The following SRSF4 variants were observed in gnomAD, a reference collection of about 807,000 sequenced individuals.
The protein encoded by SRSF4 is serine/arginine-rich splicing factor 4.
A neutral mutation model predicts 48.8 loss-of-function variants in SRSF4; 12 were observed. The ratio of observed to expected loss-of-function variants is 0.25; its 90% CI spans 0.16 to 0.40. The LOEUF is 0.40. Among genes scored for constraint, SRSF4 ranks in the 10% least tolerant of loss-of-function variants. The pLI, the probability that SRSF4 is intolerant of heterozygous loss-of-function variation, is 1.00. For missense variants in SRSF4, 466 were observed against 667.1 expected (o/e 0.70, Z 3.32); for synonymous variants, 248 against 232.5 (o/e 1.07, Z -0.61).
intron 2 of SRSF4, chr1:29,160,141 A>G (rs981638200): frequency 6.7e-6 from 3 of 446,608 alleles, no homozygotes; most frequent in African/African-American, 6.2e-5. Context: ...CAACACAAAC[A>G]CACATCATTA....
At chr1:29,165,202 C>T (rs1172694660) in intron 1 of SRSF4, among the ~76,000 whole-genome samples, 1 of 152,208 alleles carries the variant, frequency 6.6e-6, no homozygotes, top group African/African-American at 2.4e-5. Context: ...CACCATGAGT[C>T]TTACCAAGTA....
intron 1 of SRSF4, among the ~76,000 whole-genome samples, chr1:29,164,269 G>T (rs1672638650): frequency 6.6e-6 from 1 of 152,150 alleles, no homozygotes; most frequent in Non-Finnish European, 1.5e-5. Context: ...TTATGTATGG[G>T]TCCCAATTTT....
chr1:29,168,219 C>T (rs1434168679), intron 1 of SRSF4, among the ~76,000 whole-genome samples: 1 of 142,254 alleles, frequency 7.0e-6, no homozygotes, highest in Non-Finnish European at 1.5e-5. Context: ...TTAGGAGAGA[C>T]AGGGTTTCAC....
intron 3 of SRSF4, among the ~76,000 whole-genome samples, chr1:29,157,766 G>T (rs1349570536): frequency 6.6e-6 from 1 of 152,158 alleles, no homozygotes; most frequent in Non-Finnish European, 1.5e-5. Flanking sequence ...GCCAAAAAAA[G>T]CGAGAAGGGA....
chr1:29,176,427 A>T (rs569416475), intron 1 of SRSF4, among the ~76,000 whole-genome samples: 1 of 152,072 alleles, frequency 6.6e-6, no homozygotes, highest in South Asian at 2.1e-4. Context: ...GATTAAGAAT[A>T]CGGTAACGAT....
intron 1 of SRSF4, chr1:29,171,571 A>G (rs1672745064): frequency 6.6e-6 from 1 of 151,890 alleles, no homozygotes; most frequent in Admixed American, 6.6e-5. Context: ...CAGTTGAAAA[A>G]TAAGTCATAC....
In SRSF4 at chr1:29,160,521, G is replaced by A; in HGVS notation, c.108-4C>T. The A allele has an allele frequency of 6.3e-7, 1 of 1,598,874 alleles. No homozygotes were observed. On this transcript the variant is annotated splice_region_variant and splice_polypyrimidine_tract_variant and intron_variant, in intron 1 of 5. Transcript: ENST00000373795. ...ATCAAACTCCACAAAACCATATCTAGAAGAGAGCAAAGAAAATACTGGTTG... is the reference window on the plus strand; with the variant it reads ...ATCAAACTCCACAAAACCATATCTAAAAGAGAGCAAAGAAAATACTGGTTG...
chr1:29,172,099 T>A (rs910395235), intron 1 of SRSF4: 2 of 152,034 alleles, frequency 1.3e-5, no homozygotes, highest in African/African-American at 2.4e-5. Flanking sequence ...GGGAAAAAAA[T>A]AATACACTTT....
chr1:29,160,553 T>C, intron 1 of SRSF4, 36 bp from the exon 2 acceptor site: 1 of 1,561,468 alleles, frequency 6.4e-7, no homozygotes, highest in Non-Finnish European at 8.7e-7. Context: ...GTTGGTACCA[T>C]TTTGACATCC....
Position 29,148,511 on chromosome 1 carries a change from A to C in SRSF4, c.1384T>G (p.Ser462Ala). The change falls in exon 6 of 6, where the codon TCA becomes GCA. Residue 462 changes from serine (S) to alanine (A), a missense_variant. This residue lies in a region of SRSF4 where 402 missense variants were observed against 437.0 expected (regional missense o/e 0.92). Transcript: ENST00000373795. The part of the protein sequence containing the change: ...PNLPSESRSR[S>A]KSASKTRSRS... ...GATCGGGTTTTTGAAGCTGACTTTGATCTGGAGCGTGATTCTGATGGAAGG... is the reference window on the plus strand; with the variant it reads ...GATCGGGTTTTTGAAGCTGACTTTGCTCTGGAGCGTGATTCTGATGGAAGG... 1.9e-6 allele frequency: 3 copies of C among 1,614,064 alleles called. No individual in the cohort carries two copies. The highest frequency in any genetic ancestry group is 2.5e-6 in the Non-Finnish European group (3 of 1,180,014).
At chr1:29,164,643 A>C (rs1032291880) in intron 1 of SRSF4, among the ~76,000 whole-genome samples, 10 of 152,198 alleles carry the variant, frequency 6.6e-5, no homozygotes, top group African/African-American at 2.2e-4. Context: ...TGCTCTATTA[A>C]AAACAAAGAA....
At chr1:29,159,808 C>A in intron 2 of SRSF4, 1 of 194,022 alleles carries the variant, frequency 5.2e-6, no homozygotes, top group Non-Finnish European at 1.0e-5. Flanking sequence ...GTGTTACTCA[C>A]AGTGATTAAA....
At chr1:29,175,390 GACT>G (rs1161437130) in intron 1 of SRSF4, among the ~76,000 whole-genome samples, 1 of 149,688 alleles carries the variant, frequency 6.7e-6, no homozygotes. Context: ...AACAGACAGA[GACT>G]CCATCTCAAA....
At chr1:29,176,488 TTA>T (rs932102871) in intron 1 of SRSF4, among the ~76,000 whole-genome samples, 1,294 of 119,276 alleles carry the variant, frequency 0.011, 23 homozygotes, top group African/African-American at 0.048. Context: ...ACTAAAAACT[TTA>T]AAAAAAAAAA....
chr1:29,181,761 C>T lies in SRSF4; in HGVS notation c.-9G>A. 1 of 1,570,830 alleles carries T rather than the reference C, an allele frequency of 6.4e-7. No individual in the cohort carries two copies. Among genetic ancestry groups the T allele is most frequent in the Non-Finnish European group, 8.6e-7 (1 of 1,163,544 alleles). On this transcript the variant is annotated 5_prime_UTR_variant, in exon 1 of 6. Transcript: ENST00000373795. The stretch of plus-strand genomic sequence containing the variant: ...ATGTACACCCGCGGCATCCCGGCAA[C>T]GGCAGTGATGGCTGGCCCCGGCCCC...
Position 29,148,523 on chromosome 1 carries a change from A to T in SRSF4, c.1372T>A (p.Ser458Thr), listed in dbSNP as rs752657051. Residue 458 changes from serine to threonine, a missense_variant, in exon 6 of 6, where the codon TCA (serine) becomes ACA (threonine). Around this residue, in one of 2 missense-constraint regions of SRSF4, gnomAD observed 402 missense variants for 437.0 expected, o/e 0.92. Coordinates refer to ENST00000373795, the MANE Select transcript of SRSF4 (RefSeq NM_005626.5). ...SKSKPNLPSE[S>T]RSRSKSASKT... ...GAAGCTGACTTTGATCTGGAGCGTG[A>T]TTCTGATGGAAGGTTTGGTTTCGAT... The T allele has an allele frequency of 1.2e-6, 2 of 1,613,992 alleles. No individual in the cohort carries two copies. Among genetic ancestry groups the T allele is most frequent in the Admixed American group, 1.7e-5 (1 of 59,978 alleles).
chr1:29,153,745 T>C (rs561584844), intron 4 of SRSF4, among the ~76,000 whole-genome samples: 2 of 150,282 alleles, frequency 1.3e-5, no homozygotes, highest in African/African-American at 4.9e-5. Flanking sequence ...ATTACAGGCA[T>C]GCACCACCAA....
intron 1 of SRSF4, chr1:29,172,187 A>G (rs1185976373): frequency 1.3e-5 from 2 of 152,254 alleles, no homozygotes; most frequent in Non-Finnish European, 2.9e-5. Flanking sequence ...TTATATTACT[A>G]ATAAAACAAT....
intron 1 of SRSF4, among the ~76,000 whole-genome samples, chr1:29,177,694 C>T (rs1361155560): frequency 1.3e-5 from 2 of 152,064 alleles, no homozygotes; most frequent in Non-Finnish European, 2.9e-5. Context: ...TGGTCCCAAA[C>T]CATCTTTCAA....
Sources: gnomAD v4.1 joint callset for allele counts (sites outside exome capture counted in the v4.1 genomes callset) on GRCh38, gnomAD v4.1.1 for gene constraint, gnomAD v4.1.1 regional missense constraint, MANE v1.5 for transcripts, NCBI Gene and HGNC (gene_info 2026-07-23, HGNC 2026-07-21) for gene names.